Variants in PGPEP1 observed in about 807,000 individuals in gnomAD.
PGPEP1 encodes pyroglutamyl-peptidase I, also known as pyroglutamyl-peptidase 1.
In PGPEP1, 15 loss-of-function variants were observed where a neutral mutation model predicts 24.1. The observed-to-expected ratio is 0.62, with a 90% CI of 0.42 to 0.96. The LOEUF is 0.96. PGPEP1 is among the 40% of genes least tolerant of loss of function. The pLI is 0.00. For synonymous variants in PGPEP1, 122 were observed against 116.4 expected (o/e 1.05, Z -0.31); for missense variants, 242 against 273.4 (o/e 0.89, Z 0.81).
At chr19:18,350,645 T>C (rs892579873) in intron 2 of PGPEP1, among the ~76,000 whole-genome samples, 15 of 152,216 alleles carry the variant, frequency 9.9e-5, no homozygotes, top group African/African-American at 3.4e-4. Flanking sequence ...TTTAAATCCA[T>C]AGCGACCAGT....
In PGPEP1 at chr19:18,366,696, C is replaced by G. The variant is rs1971560916; in HGVS notation, c.*3113C>G. 6.6e-6 allele frequency: 1 copy of G among 151,790 alleles called. No individual in the cohort carries two copies. The highest frequency in any genetic ancestry group is 1.5e-5 in the Non-Finnish European group (1 of 67,978). The allele number at this position is 151,790 out of a possible 1,614,324, so 9.4% of individuals were successfully genotyped here. On this transcript the variant is annotated 3_prime_UTR_variant, in exon 5 of 5. Coordinates refer to ENST00000269919, the MANE Select transcript of PGPEP1 (RefSeq NM_017712.4). ...ATGTTGGCCAGGCTGGTCTTGAAATCCTGACCTCAGGTGATCTGCCTGCCT... is the reference window on the plus strand; with the variant it reads ...ATGTTGGCCAGGCTGGTCTTGAAATGCTGACCTCAGGTGATCTGCCTGCCT...
chr19:18,357,927 G>C (rs897309999), intron 4 of PGPEP1: 83 of 390,252 alleles, frequency 2.1e-4, no homozygotes, highest in African/African-American at 1.5e-3. Flanking sequence ...GTCAGTTTCT[G>C]TGTTAATTTC....
chr19:18,360,937 T>C (rs1190140081), intron 4 of PGPEP1, among the ~76,000 whole-genome samples: 1 of 151,070 alleles, frequency 6.6e-6, no homozygotes, highest in Non-Finnish European at 1.5e-5. Flanking sequence ...GGTCAAGTGA[T>C]TCTCCTGCCT....
At position 18,369,835 on chromosome 19, in the gene PGPEP1, C is replaced by G. The variant is rs553034860; in HGVS notation, c.*6252C>G. On this transcript the variant is annotated 3_prime_UTR_variant, in exon 5 of 5. Transcript: ENST00000269919. ...TTTTGCCAGTGCCTTTTCTGAAACT[C>G]CTGTGTCCCGGGCCCCCCAGGCGGA... 1 of 152,334 alleles carries G rather than the reference C, an allele frequency of 6.6e-6. No homozygotes were observed. The highest frequency in any genetic ancestry group is 1.9e-4 in the East Asian group (1 of 5,170). 9.4% of individuals were successfully genotyped at this position (152,334 alleles called of 1,614,324 possible). A position where few individuals can be genotyped will look rare whatever the true frequency, so the allele number is the denominator to read the frequency against.
chr19:18,361,865 G>C (rs1377536569), intron 4 of PGPEP1: 1 of 985,108 alleles, frequency 1.0e-6, no homozygotes, highest in Non-Finnish European at 1.2e-6. Context: ...CTCATCCTTA[G>C]TTTTCATTTG....
chr19:18,343,803 C>T (rs1185288660), intron 2 of PGPEP1, among the ~76,000 whole-genome samples: 1 of 151,642 alleles, frequency 6.6e-6, no homozygotes, highest in Non-Finnish European at 1.5e-5. Context: ...CTGCCTCAGC[C>T]TCCAGAGTAG....
intron 1 of PGPEP1, among the ~76,000 whole-genome samples, chr19:18,342,074 A>T (rs367770362): frequency 3.1e-4 from 47 of 152,082 alleles, no homozygotes; most frequent in African/African-American, 9.6e-4. Flanking sequence ...CATCTGGTTA[A>T]TTTTTTGTAT....
intron 2 of PGPEP1, among the ~76,000 whole-genome samples, chr19:18,350,634 G>A (rs1052512763): frequency 2.6e-5 from 4 of 152,244 alleles, no homozygotes; most frequent in African/African-American, 9.6e-5. Flanking sequence ...GTAGGGGAAT[G>A]TTTAAATCCA....
chr19:18,357,253 A>G, intron 3 of PGPEP1, 130 bp from the exon 4 acceptor site: 1 of 646,240 alleles, frequency 1.5e-6, no homozygotes, highest in African/African-American at 1.8e-5. Flanking sequence ...CTATTCTAGC[A>G]GCAAGAGGTC....
chr19:18,342,749 T>C, intron 1 of PGPEP1, 110 bp from the exon 2 acceptor site: 2 of 826,246 alleles, frequency 2.4e-6, no homozygotes, highest in Non-Finnish European at 4.1e-6. Context: ...CCTTGGCAGC[T>C]GCGCCCTGAA....
At chr19:18,357,736 G>A in intron 4 of PGPEP1, 121 bp downstream of exon 4, 1 of 692,092 alleles carries the variant, frequency 1.4e-6, no homozygotes, top group East Asian at 2.7e-5. Flanking sequence ...GTGTATACTA[G>A]GCACAGAGCC....
intron 2 of PGPEP1, among the ~76,000 whole-genome samples, chr19:18,348,131 T>C (rs1316006250): frequency 6.6e-6 from 1 of 151,972 alleles, no homozygotes; most frequent in Non-Finnish European, 1.5e-5. Flanking sequence ...GTGTGTCCCG[T>C]CTCCCCTACC....
chr19:18,342,744 G>A, intron 1 of PGPEP1, 115 bp from the exon 2 acceptor site: 2 of 789,410 alleles, frequency 2.5e-6, no homozygotes, highest in Non-Finnish European at 4.3e-6. Context: ...GTTGTCCTTG[G>A]CAGCTGCGCC....
chr19:18,357,009 G>A (rs1423945387), intron 3 of PGPEP1, among the ~76,000 whole-genome samples: 2 of 152,246 alleles, frequency 1.3e-5, no homozygotes, highest in East Asian at 3.8e-4. Context: ...CTGCACTCCA[G>A]CCTGGGCGAC....
In PGPEP1 at chr19:18,340,656, G is replaced by A; in HGVS notation, c.-26G>A. ...TGTCGCGCCAGTCGCAACAGAAGCAGGTCCGAGGCACAGCCCGATCCCGCC... is the reference window on the plus strand; with the variant it reads ...TGTCGCGCCAGTCGCAACAGAAGCAAGTCCGAGGCACAGCCCGATCCCGCC... On this transcript the variant is annotated 5_prime_UTR_variant, in exon 1 of 5. Coordinates refer to ENST00000269919, the MANE Select transcript of PGPEP1 (RefSeq NM_017712.4). 1 of 1,536,008 alleles carries A rather than the reference G, an allele frequency of 6.5e-7. No individual in the cohort carries two copies. The highest frequency in any genetic ancestry group is 2.7e-5 in the East Asian group (1 of 36,428).
chr19:18,356,907 G>A (rs541235853), intron 3 of PGPEP1, among the ~76,000 whole-genome samples: 6 of 151,768 alleles, frequency 4.0e-5, no homozygotes, highest in South Asian at 2.1e-4. Context: ...GTGTGGTGGC[G>A]CATGCCTGTA....
Position 18,347,270 on chromosome 19 carries a change from C to CTTTTTTTTTTTTT in PGPEP1, c.87+4365_87+4377dup, listed in dbSNP as rs59936417. 1.3e-3 allele frequency among the ~76,000 whole-genome samples: 125 copies of CTTTTTTTTTTTTT among 94,402 alleles called. 1 individual carries two copies. The highest frequency in any genetic ancestry group is 1.6e-3 in the Non-Finnish European group (83 of 51,304). 61.9% of individuals were successfully genotyped at this position (94,402 alleles called of 152,430 possible). ...CTAATTTTTTTTTCTTTCTTTCTTT[C>CTTTTTTTTTTTTT]TTTTTTTTTTTTTTTTTTGTAGAGA... On this transcript the variant is annotated intron_variant, in intron 2 of 4. Coordinates refer to ENST00000269919, the MANE Select transcript of PGPEP1 (RefSeq NM_017712.4).
intron 2 of PGPEP1, chr19:18,349,114 A>T (rs1366667944): frequency 1.0e-6 from 1 of 982,706 alleles, no homozygotes; most frequent in Non-Finnish European, 1.2e-6. Context: ...TTGTGACTGC[A>T]GGTCTTGGGG....
chr19:18,356,061 C>G (rs897727765), intron 3 of PGPEP1, 50 bp downstream of exon 3: 1 of 1,149,840 alleles, frequency 8.7e-7, no homozygotes, highest in Admixed American at 1.7e-5. Flanking sequence ...TACAGGTTGG[C>G]ACCCTTCATG....
Sources: gnomAD v4.1 joint callset for allele counts (sites outside exome capture counted in the v4.1 genomes callset) on GRCh38, gnomAD v4.1.1 for gene constraint, MANE v1.5 for transcripts, NCBI Gene and HGNC (gene_info 2026-07-23, HGNC 2026-07-21) for gene names.